Variants in PDE1C observed in about 807,000 individuals in gnomAD.
PDE1C encodes dual specificity calcium/calmodulin-dependent 3',5'-cyclic nucleotide phosphodiesterase 1C.
A neutral mutation model predicts 93.1 loss-of-function variants in PDE1C; 62 were observed. That is an observed-to-expected ratio of 0.67 (90% CI 0.54 to 0.82). The LOEUF (loss-of-function observed/expected upper bound fraction) is 0.82, where lower values mean the gene tolerates loss of function less well. PDE1C is among the 40% of genes least tolerant of loss of function. The probability of loss-of-function intolerance (pLI) is 0.00; values close to 1 mark genes in which losing one functional copy is unlikely to be tolerated. For missense variants in PDE1C, 742 were observed against 884.6 expected, an observed-to-expected ratio of 0.84 and a Z score of 2.04; for synonymous variants, 325 against 310.1, an observed-to-expected ratio of 1.05 and a Z score of -0.50.
intron 2 of PDE1C, among the ~76,000 whole-genome samples, chr7:31,945,310 C>G (rs571578077): frequency 6.6e-6 from 1 of 152,034 alleles, no homozygotes; most frequent in Non-Finnish European, 1.5e-5. Context: ...ATTTTATACT[C>G]ATTTATTTCT....
chr7:32,244,955 C>T (rs1420863854), intron 1 of PDE1C, among the ~76,000 whole-genome samples: 3 of 152,100 alleles, frequency 2.0e-5, no homozygotes, highest in African/African-American at 7.2e-5. Context: ...TCCCAGAGTC[C>T]CTGGGAAGGC....
Position 31,920,431 on chromosome 7 carries a change from G to C in PDE1C, c.129-39571C>G, listed in dbSNP as rs111301084. ...CCCTGCAACCTCCAATCCCTGGGCA[G>C]AGGAGACATATGCTCTTCATGGGGT... On this transcript the variant is annotated intron_variant, in intron 2 of 17. Transcript: ENST00000396191. Among the ~76,000 whole-genome samples, 1,353 of 152,270 alleles carry C rather than the reference G, an allele frequency of 8.9e-3. 21 individuals carry two copies. The highest frequency in any genetic ancestry group is 0.031 in the African/African-American group (1,271 of 41,546).
chr7:32,276,853 A>G (rs1309899389), intron 1 of PDE1C, among the ~76,000 whole-genome samples: 2 of 152,166 alleles, frequency 1.3e-5, no homozygotes, highest in Non-Finnish European at 2.9e-5. Flanking sequence ...AGGTTTTTAT[A>G]AGACAGAAAG....
intron 1 of PDE1C, among the ~76,000 whole-genome samples, chr7:32,355,606 C>T (rs2128083782): frequency 6.6e-6 from 1 of 152,334 alleles, no homozygotes; most frequent in African/African-American, 2.4e-5. Flanking sequence ...AATGGCACTA[C>T]TCTCTCAGCA....
At chr7:32,080,787 T>A (rs1257026579) in intron 3 of PDE1C, among the ~76,000 whole-genome samples, 6 of 152,146 alleles carry the variant, frequency 3.9e-5, no homozygotes, top group Admixed American at 3.9e-4. Context: ...AATAAAAGAA[T>A]ATAAAAGAAT....
At chr7:31,922,405 T>C (rs1357770601) in intron 2 of PDE1C, among the ~76,000 whole-genome samples, 2 of 152,222 alleles carry the variant, frequency 1.3e-5, no homozygotes, top group Non-Finnish European at 2.9e-5. Context: ...TTTTATAGTT[T>C]TAATTCTGAA....
intron 2 of PDE1C, among the ~76,000 whole-genome samples, chr7:31,884,878 T>G (rs1002834200): frequency 2.0e-5 from 3 of 152,218 alleles, no homozygotes; most frequent in Non-Finnish European, 4.4e-5. Flanking sequence ...TAATCTATCT[T>G]AAGAAGGGTT....
chr7:31,636,068 A>C, the PDE1C span, among the ~76,000 whole-genome samples: 1 of 152,226 alleles, frequency 6.6e-6, no homozygotes, highest in Non-Finnish European at 1.5e-5. Flanking sequence ...GAGAGCTAGC[A>C]GGGGAAATGC....
At chr7:31,741,789 C>T in the PDE1C span, among the ~76,000 whole-genome samples, 6 of 152,158 alleles carry the variant, frequency 3.9e-5, no homozygotes, top group African/African-American at 9.7e-5. Context: ...GTATGACTGG[C>T]ATGAAAGGCA....
chr7:32,125,239 G>T (rs1799511839), intron 3 of PDE1C, among the ~76,000 whole-genome samples: 1 of 152,172 alleles, frequency 6.6e-6, no homozygotes, highest in Non-Finnish European at 1.5e-5. Flanking sequence ...TGAGGCTATG[G>T]AGAAATAGGA....
chr7:32,104,808 G>T (rs1798217208), intron 3 of PDE1C, among the ~76,000 whole-genome samples: 1 of 152,172 alleles, frequency 6.6e-6, no homozygotes, highest in African/African-American at 2.4e-5. Flanking sequence ...AAGGACCAAA[G>T]CTGAACTATG....
the PDE1C span, among the ~76,000 whole-genome samples, chr7:31,646,706 T>G: frequency 6.6e-6 from 1 of 152,146 alleles, no homozygotes; most frequent in Non-Finnish European, 1.5e-5. Flanking sequence ...TCAGCACTCC[T>G]GCAGAAAACA....
At chr7:32,181,314 G>C (rs1051167762) in intron 2 of PDE1C, among the ~76,000 whole-genome samples, 4 of 152,130 alleles carry the variant, frequency 2.6e-5, no homozygotes, top group African/African-American at 9.7e-5. Context: ...GACATCTACA[G>C]AACTCTCCAC....
chr7:32,027,090 T>C (rs1165617955), intron 2 of PDE1C, among the ~76,000 whole-genome samples: 3 of 152,114 alleles, frequency 2.0e-5, no homozygotes, highest in Admixed American at 6.6e-5. Flanking sequence ...CGATAATAGA[T>C]ACATTTCATT....
chr7:32,048,654 C>G (rs913265060), intron 2 of PDE1C, among the ~76,000 whole-genome samples: 1 of 152,126 alleles, frequency 6.6e-6, no homozygotes, highest in Non-Finnish European at 1.5e-5. Flanking sequence ...AACCAGCCAG[C>G]CAAGTCCTTC....
At chr7:32,150,921 T>TG (rs1002217060) in intron 3 of PDE1C, among the ~76,000 whole-genome samples, 10 of 152,120 alleles carry the variant, frequency 6.6e-5, no homozygotes, top group Non-Finnish European at 1.0e-4. Flanking sequence ...GTTCTATACC[T>TG]GAGAACTAAT....
At chr7:31,962,486 A>G (rs1809146936) in intron 2 of PDE1C, among the ~76,000 whole-genome samples, 1 of 152,198 alleles carries the variant, frequency 6.6e-6, no homozygotes, top group South Asian at 2.1e-4. Context: ...TTCAACTGCT[A>G]TCCCTACAGG....
At chr7:31,934,164 G>A (rs1035271598) in intron 2 of PDE1C, among the ~76,000 whole-genome samples, 11 of 152,086 alleles carry the variant, frequency 7.2e-5, no homozygotes, top group African/African-American at 1.2e-4. Flanking sequence ...TGGTGGCCAC[G>A]ATTGCTAAGA....
the PDE1C span, among the ~76,000 whole-genome samples, chr7:31,670,093 T>G: frequency 2.6e-5 from 4 of 152,212 alleles, no homozygotes; most frequent in African/African-American, 9.6e-5. Context: ...ATGAAGTGAT[T>G]TGACACCTTG....
Sources: gnomAD v4.1 joint callset for allele counts (sites outside exome capture counted in the v4.1 genomes callset) on GRCh38, gnomAD v4.1.1 for gene constraint, MANE v1.5 for transcripts, NCBI Gene and HGNC (gene_info 2026-07-23, HGNC 2026-07-21) for gene names.